Variants in LGR6 observed in about 807,000 individuals in gnomAD.
The protein encoded by LGR6 is leucine-rich repeat-containing G protein-coupled receptor 6.
Under a neutral mutation model 69.4 loss-of-function variants are expected in LGR6, and 45 were observed. The observed-to-expected ratio is 0.65, with a 90% CI of 0.51 to 0.83. LGR6 has a LOEUF of 0.83. Ranked by LOEUF, LGR6 falls within the 40% of genes least tolerant of loss-of-function variation. The pLI, the probability that LGR6 is intolerant of heterozygous loss-of-function variation, is 0.00. For missense variants in LGR6, 1,108 were observed against 1,246.7 expected (o/e 0.89, Z 1.68); for synonymous variants, 538 against 555.0 (o/e 0.97, Z 0.43).
intron 7 of LGR6, among the ~76,000 whole-genome samples, chr1:202,298,982 G>A (rs554404594): frequency 3.3e-5 from 5 of 151,786 alleles, no homozygotes; most frequent in South Asian, 4.2e-4. Flanking sequence ...TAGTCTGGCC[G>A]GGCGTGGTGG....
intron 6 of LGR6, among the ~76,000 whole-genome samples, chr1:202,290,291 A>G (rs1666701965): frequency 6.6e-6 from 1 of 152,242 alleles, no homozygotes; most frequent in African/African-American, 2.4e-5. Flanking sequence ...TCTCTAACAC[A>G]GATAACATAC....
At position 202,264,919 on chromosome 1, in the gene LGR6, T is replaced by C. The variant is rs1045393017; in HGVS notation, c.429-11387T>C. Among the ~76,000 whole-genome samples the C allele has an allele frequency of 2.6e-5, 4 of 151,566 alleles. No individual in the cohort carries two copies. The East Asian group carries it at 7.8e-4, about 29-fold the overall frequency. ...CCTGACAGATGGAAGGAAAGGAGAG[T>C]TGAGGCATTAGCATAGCCAGGAGAA... On this transcript the variant is annotated intron_variant, in intron 4 of 17. Coordinates refer to ENST00000367278, the MANE Select transcript of LGR6 (RefSeq NM_001017403.2).
chr1:202,293,845 T>C (rs771489219), intron 6 of LGR6, among the ~76,000 whole-genome samples: 1 of 152,250 alleles, frequency 6.6e-6, no homozygotes, highest in South Asian at 2.1e-4. Context: ...GTAGTTCACA[T>C]GCCTTTTACC....
intron 6 of LGR6, among the ~76,000 whole-genome samples, chr1:202,293,697 C>A (rs1230002134): frequency 6.6e-6 from 1 of 152,162 alleles, no homozygotes; most frequent in Admixed American, 6.5e-5. Flanking sequence ...AGGACTTTGG[C>A]AATTTCCCAG....
intron 6 of LGR6, among the ~76,000 whole-genome samples, chr1:202,297,086 G>A (rs1035146648): frequency 4.6e-5 from 7 of 152,118 alleles, no homozygotes; most frequent in Non-Finnish European, 7.4e-5. Flanking sequence ...CAAAGACCAC[G>A]GATGGAGACC....
At chr1:202,239,379 G>A (rs984488518) in intron 4 of LGR6, among the ~76,000 whole-genome samples, 1 of 130,822 alleles carries the variant, frequency 7.6e-6, no homozygotes, top group African/African-American at 2.9e-5. Flanking sequence ...GTGTGTGTGT[G>A]TGTGTGGTGT....
chr1:202,196,947 C>T (rs1220174826), intron 1 of LGR6: 4 of 489,674 alleles, frequency 8.2e-6, no homozygotes, highest in Admixed American at 2.3e-5. Flanking sequence ...GGTTGGGGAT[C>T]GGGAGGGAGA....
At chr1:202,228,377 G>A (rs367751094) in intron 3 of LGR6, among the ~76,000 whole-genome samples, 2 of 152,136 alleles carry the variant, frequency 1.3e-5, no homozygotes, top group East Asian at 1.9e-4. Flanking sequence ...TTTCTGGAGA[G>A]GGGAAATACA....
intron 4 of LGR6, among the ~76,000 whole-genome samples, chr1:202,254,205 C>T (rs4950776): frequency 0.46 from 69,370 of 152,080 alleles, 17,683 homozygotes; most frequent in East Asian, 0.7. Flanking sequence ...CTCAGCCTCC[C>T]GGAGTGCTGG....
intron 12 of LGR6, among the ~76,000 whole-genome samples, chr1:202,306,549 G>A (rs1286135305): frequency 6.6e-6 from 1 of 152,222 alleles, no homozygotes; most frequent in Admixed American, 6.5e-5. Flanking sequence ...CTGGGCTAGG[G>A]TCTGGAGGAC....
rs1455227487 is a variant in LGR6, at chr1:202,194,113, C to T, written c.124C>T (p.Gln42Ter). The T allele has an allele frequency of 6.4e-7, 1 of 1,554,382 alleles. No individual in the cohort carries two copies. Among genetic ancestry groups the T allele is most frequent in the South Asian group, 1.2e-5 (1 of 85,644 alleles). ...PTACPAPCHC[Q>*]EDGIMLSADC... is the part of the protein sequence containing the mutation. The stretch of plus-strand genomic sequence containing the variant: ...CGCCTGCCCGGCCCCCTGCCACTGC[C>T]AGGAGGACGGCATCATGCTGTCTGC... The change falls in exon 1 of 18, where the codon CAG becomes TAG. Residue 42 changes from glutamine (Q) to a stop codon, truncating the protein, a stop_gained. Coordinates refer to ENST00000367278, the MANE Select transcript of LGR6 (RefSeq NM_001017403.2). LOFTEE classifies it high-confidence loss of function.
At chr1:202,254,834 G>T (rs778435302) in intron 4 of LGR6, among the ~76,000 whole-genome samples, 2 of 151,166 alleles carry the variant, frequency 1.3e-5, no homozygotes, top group African/African-American at 4.9e-5. Flanking sequence ...GAGGCGGGAG[G>T]ATCTCTTGAA....
chr1:202,318,473 G>C lies in LGR6; in HGVS notation c.2170G>C (p.Glu724Gln). Residue 724 changes from glutamate (E) to glutamine (Q), a missense_variant, in exon 18 of 18, where the codon GAG becomes CAG. Physicochemically the swap from Glu to Gln is conservative, Grantham distance 29. Transcript: ENST00000367278. ...SPLCLPYAPPEGQPAALGFTV... is the reference protein window; with the variant it reads ...SPLCLPYAPPQGQPAALGFTV... ...ACTCTGCCTGCCCTACGCGCCACCT[G>C]AGGGTCAGCCAGCAGCCCTGGGCTT... The C allele has an allele frequency of 6.2e-7, 1 of 1,613,720 alleles. No individual in the cohort carries two copies. The highest frequency in any genetic ancestry group is 8.5e-7 in the Non-Finnish European group (1 of 1,179,976).
intron 4 of LGR6, among the ~76,000 whole-genome samples, chr1:202,253,652 G>T (rs1380497273): frequency 1.1e-5 from 1 of 93,144 alleles, no homozygotes; most frequent in Non-Finnish European, 2.0e-5. Flanking sequence ...TTTTTGAGAC[G>T]AAGTCTCACT....
At chr1:202,287,908 T>G (rs990317568) in intron 6 of LGR6, among the ~76,000 whole-genome samples, 13 of 152,200 alleles carry the variant, frequency 8.5e-5, no homozygotes, top group Non-Finnish European at 2.9e-5. Flanking sequence ...ACAATCTGTT[T>G]TCAACACAAC....
chr1:202,252,224 A>G (rs1481086214), intron 4 of LGR6, among the ~76,000 whole-genome samples: 1 of 152,012 alleles, frequency 6.6e-6, no homozygotes, highest in African/African-American at 2.4e-5. Flanking sequence ...CTACCTCCCC[A>G]AACTTGTCCT....
chr1:202,219,877 A>T (rs1315957811), intron 1 of LGR6, among the ~76,000 whole-genome samples: 1 of 151,962 alleles, frequency 6.6e-6, no homozygotes, highest in Non-Finnish European at 1.5e-5. Flanking sequence ...TTATTTATTT[A>T]TTTTATTTAT....
In LGR6 at chr1:202,306,864, C is replaced by T. The variant is rs1653253948; in HGVS notation, c.1137-4C>T. 4 of 1,613,988 alleles carry T rather than the reference C, an allele frequency of 2.5e-6. No homozygotes were observed. The East Asian group carries it at 8.9e-5, about 36-fold the overall frequency. ...GGCTCATCCAGCCTCTCTTGCTGCC[C>T]TAGCGGCCTCCAACACAACCGCATC... On this transcript the variant is annotated splice_polypyrimidine_tract_variant and splice_region_variant and intron_variant, in intron 12 of 17. Coordinates refer to ENST00000367278, the MANE Select transcript of LGR6 (RefSeq NM_001017403.2).
intron 1 of LGR6, among the ~76,000 whole-genome samples, chr1:202,220,281 G>T (rs1205517114): frequency 2.0e-5 from 3 of 151,802 alleles, no homozygotes; most frequent in Non-Finnish European, 4.4e-5. Context: ...GCAGTGGCAT[G>T]ATCTTGGCTC....
Sources: gnomAD v4.1 joint callset for allele counts (sites outside exome capture counted in the v4.1 genomes callset) on GRCh38, gnomAD v4.1.1 for gene constraint, MANE v1.5 for transcripts, NCBI Gene and HGNC (gene_info 2026-07-23, HGNC 2026-07-21) for gene names.